The following SBF2 variants were observed in gnomAD, a reference collection of about 807,000 sequenced individuals.
The protein encoded by SBF2 is myotubularin-related protein 13.
Under a neutral mutation model 225.2 loss-of-function variants are expected in SBF2, and 112 were observed. The observed-to-expected ratio is 0.50, with a 90% CI of 0.43 to 0.58. The LOEUF is 0.58. Among genes scored for constraint, SBF2 ranks in the 20% least tolerant of loss-of-function variants. The pLI is 0.00. For missense variants in SBF2, 1,996 were observed against 2,206.2 expected (o/e 0.90, Z 1.91); for synonymous variants, 763 against 773.3 (o/e 0.99, Z 0.22).
At chr11:9,799,356 G>T (rs1853343602) in intron 32 of SBF2, among the ~76,000 whole-genome samples, 1 of 152,160 alleles carries the variant, frequency 6.6e-6, no homozygotes, top group African/African-American at 2.4e-5. Flanking sequence ...CTTGGAGAAA[G>T]CATCAAGGTG....
At chr11:10,299,512 A>G (rs1196505003) in intron 1 of SBF2, among the ~76,000 whole-genome samples, 1 of 152,210 alleles carries the variant, frequency 6.6e-6, no homozygotes, top group African/African-American at 2.4e-5. Flanking sequence ...TTTGATGAGC[A>G]GGACTGGCTA....
chr11:10,218,673 C>T (rs1314254008), intron 1 of SBF2, among the ~76,000 whole-genome samples: 1 of 152,174 alleles, frequency 6.6e-6, no homozygotes, highest in African/African-American at 2.4e-5. Flanking sequence ...CTGAATGCAC[C>T]TGATCTCATC....
At chr11:9,942,937 A>AAGAAAG (rs1318017964) in intron 16 of SBF2, among the ~76,000 whole-genome samples, 2 of 150,414 alleles carry the variant, frequency 1.3e-5, no homozygotes, top group Non-Finnish European at 3.0e-5. Context: ...GAAAGAAAGA[A>AAGAAAG]AGAAGGAAGG....
intron 6 of SBF2, among the ~76,000 whole-genome samples, chr11:10,010,718 C>A (rs1354102014): frequency 6.6e-6 from 1 of 151,436 alleles, no homozygotes; most frequent in Non-Finnish European, 1.5e-5. Context: ...CTTGGCTATA[C>A]AGGCTCTTCT....
intron 2 of SBF2, among the ~76,000 whole-genome samples, chr11:10,141,078 T>C (rs1401804610): frequency 6.6e-6 from 1 of 152,190 alleles, no homozygotes. Flanking sequence ...CCTTACTGTG[T>C]GGCAAATATA....
chr11:10,272,874 A>C (rs543708385), intron 1 of SBF2, among the ~76,000 whole-genome samples: 1 of 151,992 alleles, frequency 6.6e-6, no homozygotes, highest in Admixed American at 6.5e-5. Context: ...AGTTCGAGAG[A>C]GCCTGGCCAA....
intron 2 of SBF2, among the ~76,000 whole-genome samples, chr11:10,108,103 C>A (rs1411599267): frequency 1.3e-5 from 2 of 152,184 alleles, no homozygotes; most frequent in African/African-American, 4.8e-5. Context: ...ATGATAATTT[C>A]TCATGCCTGA....
At chr11:10,108,780 T>TCTGTAATCCG (rs1952697162) in intron 2 of SBF2, among the ~76,000 whole-genome samples, 1 of 152,080 alleles carries the variant, frequency 6.6e-6, no homozygotes, top group African/African-American at 2.4e-5. Context: ...CGCCTCTGCC[T>TCTGTAATCCG]CCCAAAGTGC....
rs142199942 is a variant in SBF2, at chr11:9,866,592, G to T, written c.1930-8196C>A. ...AAAAATCAAATCAAAATGAATTAAAGACTTCAATGTAAGACGTGAAACTAT... is the reference window on the plus strand; with the variant it reads ...AAAAATCAAATCAAAATGAATTAAATACTTCAATGTAAGACGTGAAACTAT... On this transcript the variant is annotated intron_variant, in intron 17 of 39. Coordinates refer to ENST00000256190, the MANE Select transcript of SBF2 (RefSeq NM_030962.4). Among the ~76,000 whole-genome samples, 480 of 152,258 alleles carry T rather than the reference G, an allele frequency of 3.2e-3. 2 individuals are homozygous for T. The highest frequency in any genetic ancestry group is 0.011 in the African/African-American group (460 of 41,562).
At chr11:10,071,704 A>C (rs1189517902) in intron 2 of SBF2, among the ~76,000 whole-genome samples, 6 of 152,196 alleles carry the variant, frequency 3.9e-5, no homozygotes, top group Non-Finnish European at 8.8e-5. Flanking sequence ...TTTTAGCATG[A>C]AGGGCTGTTG....
At chr11:10,037,682 C>CTTTTT (rs1029803477) in intron 3 of SBF2, among the ~76,000 whole-genome samples, 11 of 148,394 alleles carry the variant, frequency 7.4e-5, no homozygotes, top group African/African-American at 2.7e-4. Flanking sequence ...GTCAAACCAT[C>CTTTTT]TTTTTCTGTT....
At chr11:9,986,088 C>G (rs1947185781) in intron 13 of SBF2, among the ~76,000 whole-genome samples, 1 of 152,164 alleles carries the variant, frequency 6.6e-6, no homozygotes, top group Non-Finnish European at 1.5e-5. Flanking sequence ...AGCACTCTCT[C>G]AAACCACAGT....
At chr11:10,222,785 G>A (rs999623366) in intron 1 of SBF2, among the ~76,000 whole-genome samples, 5 of 152,050 alleles carry the variant, frequency 3.3e-5, no homozygotes, top group African/African-American at 1.2e-4. Flanking sequence ...AATTTCTTTT[G>A]TGAAAAAATC....
intron 22 of SBF2, among the ~76,000 whole-genome samples, chr11:9,849,458 C>A (rs1331871821): frequency 6.6e-6 from 1 of 152,184 alleles, no homozygotes; most frequent in East Asian, 1.9e-4. Flanking sequence ...GCATGCTATT[C>A]CTTTCCAATA....
At chr11:10,150,793 G>A (rs1955140056) in intron 2 of SBF2, among the ~76,000 whole-genome samples, 1 of 151,918 alleles carries the variant, frequency 6.6e-6, no homozygotes, top group Non-Finnish European at 1.5e-5. Context: ...TATAAATGGA[G>A]GCATTTAGTT....
intron 1 of SBF2, among the ~76,000 whole-genome samples, chr11:10,281,749 C>T (rs1320844331): frequency 6.6e-6 from 1 of 152,134 alleles, no homozygotes; most frequent in Non-Finnish European, 1.5e-5. Context: ...CCTACCTGTC[C>T]CATCTTTTGA....
chr11:9,992,884 A>G lies in SBF2; in HGVS notation c.1167+106T>C, dbSNP rs1042798048. Reference sequence around the variant, plus strand: ...CCACACAGAGATTTTAAATAATCACATTTGATAAATCAAGGTCAAAATAAA... The same window carrying G: ...CCACACAGAGATTTTAAATAATCACGTTTGATAAATCAAGGTCAAAATAAA... On this transcript the variant is annotated intron_variant, in intron 11 of 39. Coordinates refer to ENST00000256190, the MANE Select transcript of SBF2 (RefSeq NM_030962.4). The G allele has an allele frequency of 6.5e-5, 50 of 773,926 alleles. No individual in the cohort carries two copies. In the Admixed American group the frequency reaches 1.2e-3, roughly 19 times the overall value. 47.9% of individuals were successfully genotyped at this position (773,926 alleles called of 1,614,324 possible). A position where few individuals can be genotyped will look rare whatever the true frequency, so the allele number is the denominator to read the frequency against.
intron 17 of SBF2, among the ~76,000 whole-genome samples, chr11:9,873,687 G>C (rs1239380148): frequency 6.6e-6 from 1 of 152,194 alleles, no homozygotes; most frequent in Admixed American, 6.5e-5. Flanking sequence ...TAGCTCCAAA[G>C]AGCTTTCATT....
chr11:9,836,487 G>T (rs1394281581), intron 26 of SBF2, among the ~76,000 whole-genome samples: 4 of 152,090 alleles, frequency 2.6e-5, no homozygotes, highest in Non-Finnish European at 5.9e-5. Context: ...CCATTCTTGT[G>T]TCAGTCCTAT....
Sources: gnomAD v4.1 joint callset for allele counts (sites outside exome capture counted in the v4.1 genomes callset) on GRCh38, gnomAD v4.1.1 for gene constraint, MANE v1.5 for transcripts, NCBI Gene and HGNC (gene_info 2026-07-23, HGNC 2026-07-21) for gene names.